LDB2: variants seen among roughly 807,000 people sequenced by gnomAD.
LDB2 encodes LIM domain binding 2.
LDB2 carries 12 observed loss-of-function variants against 44.3 expected under a neutral mutation model. The ratio of observed to expected loss-of-function variants is 0.27; its 90% CI spans 0.17 to 0.44. LDB2 has a LOEUF of 0.44. LDB2 is among the 20% of genes least tolerant of loss of function. The pLI, the probability that LDB2 is intolerant of heterozygous loss-of-function variation, is 1.00. For missense variants in LDB2, 344 were observed against 473.5 expected, an observed-to-expected ratio of 0.73 and a Z score of 2.54; for synonymous variants, 164 against 174.8, an observed-to-expected ratio of 0.94 and a Z score of 0.49.
intron 2 of LDB2, among the ~76,000 whole-genome samples, chr4:16,667,514 C>T (rs936708063): frequency 6.6e-6 from 1 of 152,212 alleles, no homozygotes; most frequent in African/African-American, 2.4e-5. Flanking sequence ...CCTGCTACAC[C>T]TGTTGTTTCC....
intron 2 of LDB2, among the ~76,000 whole-genome samples, chr4:16,694,801 G>A (rs1751707208): frequency 1.3e-5 from 2 of 152,206 alleles, no homozygotes; most frequent in South Asian, 4.1e-4. Flanking sequence ...CCAGAGTTGT[G>A]GAGAGGATTT....
At chr4:16,529,838 T>C (rs1310984091) in intron 5 of LDB2, among the ~76,000 whole-genome samples, 1 of 152,222 alleles carries the variant, frequency 6.6e-6, no homozygotes, top group African/African-American at 2.4e-5. Context: ...TGTGTGTGTA[T>C]GTGTAAAGTT....
At chr4:16,872,037 T>C (rs1716828191) in intron 1 of LDB2, among the ~76,000 whole-genome samples, 1 of 152,166 alleles carries the variant, frequency 6.6e-6, no homozygotes, top group East Asian at 1.9e-4. Flanking sequence ...ACAGAATTTA[T>C]AATAAAAAAT....
intron 2 of LDB2, among the ~76,000 whole-genome samples, chr4:16,757,962 T>C (rs1767022337): frequency 7.9e-6 from 1 of 126,498 alleles, no homozygotes; most frequent in Non-Finnish European, 1.7e-5. Flanking sequence ...ATGTCCCACG[T>C]CCTTAAAAGT....
intron 2 of LDB2, among the ~76,000 whole-genome samples, chr4:16,688,406 T>G (rs939191695): frequency 1.3e-5 from 2 of 152,166 alleles, no homozygotes; most frequent in Non-Finnish European, 2.9e-5. Flanking sequence ...GCTGCCTGAG[T>G]CTTGCAGCAC....
chr4:16,888,961 T>C (rs1032454477), intron 1 of LDB2, among the ~76,000 whole-genome samples: 8 of 152,134 alleles, frequency 5.3e-5, no homozygotes, highest in Non-Finnish European at 1.0e-4. Context: ...GGCTGGTCAC[T>C]GTTTTCATTC....
intron 1 of LDB2, among the ~76,000 whole-genome samples, chr4:16,791,476 A>ACGGGG (rs1775714835): frequency 7.0e-6 from 1 of 141,982 alleles, no homozygotes; most frequent in South Asian, 2.4e-4. Flanking sequence ...AATTGCTTGA[A>ACGGGG]CGGGGGAGGC....
intron 5 of LDB2, among the ~76,000 whole-genome samples, chr4:16,516,306 A>G (rs1723714163): frequency 6.6e-6 from 1 of 152,256 alleles, no homozygotes; most frequent in African/African-American, 2.4e-5. Context: ...ATGCATGACT[A>G]TTTAATAATC....
intron 2 of LDB2, among the ~76,000 whole-genome samples, chr4:16,644,898 T>C (rs1337988653): frequency 6.6e-6 from 1 of 152,222 alleles, no homozygotes; most frequent in Non-Finnish European, 1.5e-5. Context: ...CCTCTTCCAC[T>C]CTCATCCTCA....
At chr4:16,596,067 T>C (rs1225736962) in intron 2 of LDB2, among the ~76,000 whole-genome samples, 192 bp from the exon 3 acceptor site, 2 of 152,082 alleles carry the variant, frequency 1.3e-5, no homozygotes, top group African/African-American at 2.4e-5. Context: ...TCCCCAACTA[T>C]TCAGGAAAAA....
At chr4:16,687,298 G>T (rs1378973270) in intron 2 of LDB2, among the ~76,000 whole-genome samples, 1 of 152,126 alleles carries the variant, frequency 6.6e-6, no homozygotes, top group Non-Finnish European at 1.5e-5. Context: ...AAGCCCTCAT[G>T]AATGGGATTA....
At chr4:16,581,133 T>G (rs1362237536) in intron 5 of LDB2, among the ~76,000 whole-genome samples, 2 of 152,170 alleles carry the variant, frequency 1.3e-5, no homozygotes, top group Non-Finnish European at 2.9e-5. Flanking sequence ...TACAGGGGAA[T>G]TCAATGAAAG....
intron 5 of LDB2, among the ~76,000 whole-genome samples, chr4:16,545,210 GT>G (rs146522316): frequency 0.011 from 1,491 of 132,074 alleles, 31 homozygotes; most frequent in African/African-American, 0.04. Flanking sequence ...CCTTCCTTCT[GT>G]TTTTTCCCCC....
chr4:16,858,700 T>A (rs1239624393), intron 1 of LDB2, among the ~76,000 whole-genome samples: 1 of 152,232 alleles, frequency 6.6e-6, no homozygotes, highest in East Asian at 1.9e-4. Context: ...AGCTTCCTGC[T>A]GGCCAGTACA....
chr4:16,865,038 G>C (rs1476606030), intron 1 of LDB2, among the ~76,000 whole-genome samples: 1 of 152,136 alleles, frequency 6.6e-6, no homozygotes, highest in African/African-American at 2.4e-5. Context: ...TTGAGGTCAG[G>C]AGTTAAGAGA....
chr4:16,662,218 GA>G (rs932688321), intron 2 of LDB2, among the ~76,000 whole-genome samples: 3 of 152,088 alleles, frequency 2.0e-5, no homozygotes, highest in Admixed American at 6.5e-5. Flanking sequence ...CTACTCATCA[GA>G]CCCTGGCCCT....
chr4:16,598,255 T>C (rs1721558495), intron 2 of LDB2, among the ~76,000 whole-genome samples: 1 of 152,202 alleles, frequency 6.6e-6, no homozygotes, highest in African/African-American at 2.4e-5. Flanking sequence ...CTCGAAGCTT[T>C]CACTTTGTTC....
At chr4:16,701,645 C>A (rs1362857348) in intron 2 of LDB2, among the ~76,000 whole-genome samples, 1 of 152,156 alleles carries the variant, frequency 6.6e-6, no homozygotes, top group Non-Finnish European at 1.5e-5. Context: ...TAAAAAGAAG[C>A]AAAGCAAGGG....
intron 1 of LDB2, among the ~76,000 whole-genome samples, chr4:16,829,827 C>A (rs1013314242): frequency 1.3e-5 from 2 of 152,162 alleles, no homozygotes; most frequent in Admixed American, 6.5e-5. Flanking sequence ...CACACACAGG[C>A]CGGGTGCGGT....
Sources: allele counts gnomAD v4.1 joint callset (sites outside exome capture counted in the v4.1 genomes callset), GRCh38; gene constraint gnomAD v4.1.1; transcripts MANE v1.5; gene names NCBI Gene and HGNC (gene_info 2026-07-23, HGNC 2026-07-21).